Variants in EML4 observed in about 807,000 individuals in gnomAD.
EML4 encodes echinoderm microtubule-associated protein-like 4.
EML4 carries 72 observed loss-of-function variants against 129.0 expected under a neutral mutation model. The observed-to-expected ratio is 0.56, with a 90% CI of 0.46 to 0.68. The LOEUF (loss-of-function observed/expected upper bound fraction) is 0.68. Ranked by LOEUF, EML4 falls within the 30% of genes least tolerant of loss-of-function variation. The pLI, the probability that EML4 is intolerant of heterozygous loss-of-function variation, is 0.00. For missense variants in EML4, 1,363 were observed against 1,190.6 expected (o/e 1.14, Z -2.13); for synonymous variants, 532 against 405.0 (o/e 1.31, Z -3.77).
chr2:42,191,359 G>A (rs1002418310), intron 1 of EML4, among the ~76,000 whole-genome samples: 2 of 152,048 alleles, frequency 1.3e-5, no homozygotes, highest in African/African-American at 4.8e-5. Context: ...CATGGCTACC[G>A]GTAGCTCTGG....
At chr2:42,221,348 C>T in intron 1 of EML4, among the ~76,000 whole-genome samples, 1 of 148,064 alleles carries the variant, frequency 6.8e-6, no homozygotes, top group African/African-American at 2.5e-5. Context: ...TGTGTATGCT[C>T]TAGAAATGGA....
intron 1 of EML4, among the ~76,000 whole-genome samples, chr2:42,204,392 T>A (rs1157657554): frequency 6.6e-6 from 1 of 152,168 alleles, no homozygotes; most frequent in African/African-American, 2.4e-5. Flanking sequence ...GCTGGCAAAC[T>A]TTTTCTGGAA....
chr2:42,220,615 G>T (rs1251847549), intron 1 of EML4, among the ~76,000 whole-genome samples: 8 of 152,044 alleles, frequency 5.3e-5, no homozygotes, highest in African/African-American at 1.7e-4. Context: ...TCCTACAATG[G>T]TTCTTAAGTG....
intron 2 of EML4, among the ~76,000 whole-genome samples, chr2:42,246,726 A>G (rs1675424759): frequency 6.6e-6 from 1 of 152,208 alleles, no homozygotes; most frequent in Admixed American, 6.5e-5. Flanking sequence ...GCCATAGAGG[A>G]TGTAAAATGA....
intron 1 of EML4, among the ~76,000 whole-genome samples, chr2:42,186,079 T>G (rs1017487075): frequency 6.6e-6 from 1 of 152,198 alleles, no homozygotes; most frequent in Non-Finnish European, 1.5e-5. Flanking sequence ...TGGAGTTTGA[T>G]CTTTAAAAAG....
At chr2:42,186,750 G>A (rs1671271026) in intron 1 of EML4, among the ~76,000 whole-genome samples, 1 of 152,168 alleles carries the variant, frequency 6.6e-6, no homozygotes, top group African/African-American at 2.4e-5. Context: ...TGGTTTTAGT[G>A]AAAGAGTAGA....
At chr2:42,177,818 A>G (rs571088213) in intron 1 of EML4, among the ~76,000 whole-genome samples, 3 of 152,346 alleles carry the variant, frequency 2.0e-5, no homozygotes, top group East Asian at 1.9e-4. Context: ...CAGGACCAAC[A>G]TTAGAAAAAT....
chr2:42,321,207 C>A (rs1669502850), intron 19 of EML4, among the ~76,000 whole-genome samples: 1 of 151,876 alleles, frequency 6.6e-6, no homozygotes, highest in African/African-American at 2.4e-5. Context: ...CACGGTGAAA[C>A]CCCATCTCTA....
chr2:42,320,443 A>G (rs907206419), intron 19 of EML4, among the ~76,000 whole-genome samples: 11 of 152,078 alleles, frequency 7.2e-5, no homozygotes, highest in Non-Finnish European at 1.2e-4. Context: ...TAACCTATCT[A>G]TGCATCCTAA....
rs146203181 is a variant in EML4, at chr2:42,211,129, G to C, written c.26-34376G>C. Among the ~76,000 whole-genome samples the C allele has an allele frequency of 2.9e-3, 445 of 152,224 alleles. 4 individuals carry two copies. Among genetic ancestry groups the C allele is most frequent in the African/African-American group, 9.4e-3 (392 of 41,522 alleles). On this transcript the variant is annotated intron_variant, in intron 1 of 22. Transcript: ENST00000318522. ...TGATTGAAATACCTATAATGTGCTT[G>C]GTGTACCTACCACAGTAGATAGTGT...
chr2:42,260,001 A>G (rs1296230895), intron 3 of EML4, among the ~76,000 whole-genome samples: 1 of 150,872 alleles, frequency 6.6e-6, no homozygotes, highest in Non-Finnish European at 1.5e-5. Context: ...GAGTGCTGGG[A>G]TTACAGGCGT....
intron 1 of EML4, among the ~76,000 whole-genome samples, chr2:42,219,161 C>T (rs1325126013): frequency 1.3e-5 from 2 of 152,154 alleles, no homozygotes; most frequent in Non-Finnish European, 2.9e-5. Context: ...GTAGCAGAAA[C>T]GGCATCAAAT....
At chr2:42,296,481 C>CTT (rs1667963187) in intron 13 of EML4, among the ~76,000 whole-genome samples, 1 of 151,292 alleles carries the variant, frequency 6.6e-6, no homozygotes, top group Middle Eastern at 3.4e-3. Context: ...TTATACTTCT[C>CTT]TCTCTCTCTC....
rs142578982 is a variant in EML4, at chr2:42,265,111, G to C, written c.667+380G>C. ...AGCTACATTTTACTTTTTTTTTTGA[G>C]ACCGAGTCTCATTCTGTTGCCCAGG... On this transcript the variant is annotated intron_variant, in intron 6 of 22. Transcript: ENST00000318522. Among the ~76,000 whole-genome samples the C allele has an allele frequency of 1.1e-4, 16 of 151,088 alleles. No individual in the cohort carries two copies. In the East Asian group the frequency reaches 2.9e-3, roughly 27 times the overall value.
At chr2:42,188,770 C>T (rs1309620687) in intron 1 of EML4, among the ~76,000 whole-genome samples, 4 of 152,100 alleles carry the variant, frequency 2.6e-5, no homozygotes, top group Non-Finnish European at 5.9e-5. Flanking sequence ...AGGTGATCTG[C>T]CCACCTTGGC....
rs1350740478 is a variant in EML4, at chr2:42,280,988, C to T, written c.791+15C>T. The T allele has an allele frequency of 1.3e-6, 2 of 1,553,182 alleles. No individual in the cohort carries two copies. The highest frequency in any genetic ancestry group is 1.7e-6 in the Non-Finnish European group (2 of 1,151,204). ...CTGGAGTGGGCGTATCCTTCTCTAC[C>T]ATGACAGCAAATTCATTTGCTTTGT... On this transcript the variant is annotated intron_variant, in intron 7 of 22. Transcript: ENST00000318522.
chr2:42,259,613 A>G (rs1665582112), intron 3 of EML4, among the ~76,000 whole-genome samples: 1 of 152,082 alleles, frequency 6.6e-6, no homozygotes, highest in Non-Finnish European at 1.5e-5. Flanking sequence ...ATAACTTTCT[A>G]AAATTTTTAG....
chr2:42,223,962 C>G (rs977834083), intron 1 of EML4, among the ~76,000 whole-genome samples: 3 of 151,982 alleles, frequency 2.0e-5, no homozygotes, highest in African/African-American at 4.8e-5. Flanking sequence ...AATTTAAATT[C>G]TATTTATACC....
intron 6 of EML4, among the ~76,000 whole-genome samples, chr2:42,267,579 G>A (rs1342341946): frequency 6.6e-6 from 1 of 152,204 alleles, no homozygotes; most frequent in Non-Finnish European, 1.5e-5. Context: ...TGAAAGGCCT[G>A]TGTCCTTCAG....
Sources: allele counts gnomAD v4.1 joint callset (sites outside exome capture counted in the v4.1 genomes callset), GRCh38; gene constraint gnomAD v4.1.1; transcripts MANE v1.5; gene names NCBI Gene and HGNC (gene_info 2026-07-23, HGNC 2026-07-21).